Variants in AKAP13 observed in about 807,000 individuals in gnomAD.
AKAP13 encodes the protein A-kinase anchor protein 13.
In AKAP13, 80 loss-of-function variants were observed where a neutral mutation model predicts 264.5. That is an observed-to-expected ratio of 0.30 (90% CI 0.25 to 0.36). The LOEUF is 0.36. AKAP13 is among the 10% of genes least tolerant of loss of function. The pLI, the probability that AKAP13 is intolerant of heterozygous loss-of-function variation, is 1.00. For synonymous variants in AKAP13, 1,380 were observed against 1,250.2 expected (o/e 1.10, Z -2.19); for missense variants, 3,712 against 3,435.2 (o/e 1.08, Z -2.01).
At chr15:85,430,605 T>A (rs184792537) in intron 1 of AKAP13, among the ~76,000 whole-genome samples, 20 of 152,324 alleles carry the variant, frequency 1.3e-4, no homozygotes, top group Admixed American at 7.8e-4. Flanking sequence ...ATTCCTACTC[T>A]TGTGGTTGGA....
At chr15:85,427,636 T>G (rs2072855525) in intron 1 of AKAP13, among the ~76,000 whole-genome samples, 2 of 152,180 alleles carry the variant, frequency 1.3e-5, no homozygotes, top group Non-Finnish European at 2.9e-5. Flanking sequence ...GTTCATTTTA[T>G]TGATGAGGAA....
chr15:85,600,977 C>T (rs1211630918), intron 8 of AKAP13, among the ~76,000 whole-genome samples: 3 of 152,194 alleles, frequency 2.0e-5, no homozygotes, highest in Non-Finnish European at 4.4e-5. Context: ...TAAAGCCTTA[C>T]GTGCCAGATC....
chr15:85,619,920 T>A (rs2081099999), intron 8 of AKAP13: 3 of 1,435,394 alleles, frequency 2.1e-6, no homozygotes, highest in Non-Finnish European at 2.7e-6. Context: ...TGATTTCTTT[T>A]TAATTCATTG....
chr15:85,680,262 TG>T (rs762209553), intron 14 of AKAP13, among the ~76,000 whole-genome samples: 2 of 152,202 alleles, frequency 1.3e-5, no homozygotes, highest in Non-Finnish European at 2.9e-5. Flanking sequence ...GAAGTTTCCT[TG>T]GGCAGAAAAG....
chr15:85,653,515 A>G (rs536617540), intron 10 of AKAP13, among the ~76,000 whole-genome samples: 21 of 152,336 alleles, frequency 1.4e-4, no homozygotes, highest in African/African-American at 4.8e-4. Flanking sequence ...TATGAGATCA[A>G]GCCCAAAAGG....
At chr15:85,461,063 C>G (rs969696080) in intron 1 of AKAP13, among the ~76,000 whole-genome samples, 2 of 151,750 alleles carry the variant, frequency 1.3e-5, no homozygotes, top group African/African-American at 4.8e-5. Context: ...TAGCTAATTT[C>G]TTATTTTTCA....
In AKAP13 at chr15:85,581,745, G is replaced by A. The variant is rs763164679; in HGVS notation, c.3677G>A (p.Ser1226Asn). The A allele has an allele frequency of 1.2e-6, 2 of 1,614,182 alleles. No homozygotes were observed. Among genetic ancestry groups the A allele is most frequent in the Admixed American group, 1.7e-5 (1 of 60,032 alleles). ...GCCCCGCCTTCAGGCAGGGAAAGGA[G>A]CACTCCCTCTCTACCTTGCATGGTC... ...MRAPPSGRER[S>N]TPSLPCMVSA... The change falls in exon 7 of 37, where the codon AGC becomes AAC. Residue 1226 changes from serine (S) to asparagine (N), a missense_variant. By Grantham distance (46) the Ser-to-Asn change is conservative. Coordinates refer to ENST00000394518, the MANE Select transcript of AKAP13 (RefSeq NM_007200.5).
chr15:85,526,707 C>G (rs548563366), intron 3 of AKAP13, among the ~76,000 whole-genome samples: 429 of 152,264 alleles, frequency 2.8e-3, no homozygotes, highest in South Asian at 6.2e-3. Context: ...CACCCCCCAT[C>G]CCCCAGCCTG....
At position 85,581,230 on chromosome 15, in the gene AKAP13, C is replaced by T. The variant is rs116622424; in HGVS notation, c.3162C>T (p.Ser1054=). ...TGTTGCCAGATGGGTCTGATGGGTC[C>T]GATGCTCTTAACTGCAGTCAGCCTT... ...PCLLPDGSDG[S]DALNCSQPSP... Residue 1054 remains serine, a synonymous_variant, in exon 7 of 37, where the codon TCC becomes TCT. Transcript: ENST00000394518. 822 of 1,614,122 alleles carry T rather than the reference C, an allele frequency of 5.1e-4. 1 individual carries two copies. The highest frequency in any genetic ancestry group is 2.0e-3 in the Middle Eastern group (12 of 6,062).
intron 10 of AKAP13, among the ~76,000 whole-genome samples, chr15:85,654,420 CAT>C (rs2083004236): frequency 6.6e-6 from 1 of 152,182 alleles, no homozygotes; most frequent in South Asian, 2.1e-4. Context: ...AAACCTAACA[CAT>C]GATAAATTTT....
At position 85,581,707 on chromosome 15, in the gene AKAP13, G is replaced by T. The variant is rs1461647894; in HGVS notation, c.3639G>T (p.Arg1213Ser). 1.2e-6 allele frequency: 2 copies of T among 1,614,136 alleles called. No homozygotes were observed. Among genetic ancestry groups the T allele is most frequent in the Admixed American group, 3.3e-5 (2 of 60,028 alleles). Residue 1213 changes from arginine (R) to serine (S), a missense_variant, in exon 7 of 37, where the codon AGG (arginine) becomes AGT (serine). Arg to Ser is a moderately radical substitution (Grantham distance 110). Coordinates refer to ENST00000394518, the MANE Select transcript of AKAP13 (RefSeq NM_007200.5). ...AHDDGAPAGV[R>S]EVMRAPPSGR... ...ATGATGGGGCCCCAGCTGGTGTGAG[G>T]GAAGTCATGCGAGCCCCGCCTTCAG... is the stretch of plus-strand genomic sequence containing the variant.
intron 8 of AKAP13, among the ~76,000 whole-genome samples, chr15:85,588,281 T>G (rs1483178018): frequency 1.3e-5 from 2 of 152,228 alleles, no homozygotes; most frequent in East Asian, 3.8e-4. Context: ...CCCGCCCTTA[T>G]TACACATAAT....
chr15:85,399,516 A>AT lies in AKAP13; in HGVS notation c.-12+18718_-12+18719insT, dbSNP rs1567038586. On this transcript the variant is annotated intron_variant, in intron 1 of 36. Coordinates refer to ENST00000394518, the MANE Select transcript of AKAP13 (RefSeq NM_007200.5). ...AGACTCCGTCTCAAAAAAAAAAAAAAAAAAAATAAAAAAATAAAAAAATAA... is the reference window on the plus strand; with the variant it reads ...AGACTCCGTCTCAAAAAAAAAAAAAATAAAAAATAAAAAAATAAAAAAATAA... Among the ~76,000 whole-genome samples, 332 of 135,242 alleles carry AT rather than the reference A, an allele frequency of 2.5e-3. 2 individuals are homozygous for AT. The highest frequency in any genetic ancestry group is 3.7e-3 in the Middle Eastern group (1 of 272). 88.7% of individuals were successfully genotyped at this position (135,242 alleles called of 152,430 possible).
intron 1 of AKAP13, among the ~76,000 whole-genome samples, chr15:85,430,429 A>T (rs2072975939): frequency 6.6e-6 from 1 of 152,198 alleles, no homozygotes; most frequent in African/African-American, 2.4e-5. Context: ...AAATAAGCTG[A>T]CACTTTCTCT....
chr15:85,684,626 G>C lies in AKAP13; in HGVS notation c.5157-115G>C, dbSNP rs373146864. On this transcript the variant is annotated intron_variant, in intron 15 of 36. Coordinates refer to ENST00000394518, the MANE Select transcript of AKAP13 (RefSeq NM_007200.5). Reference sequence around the variant, plus strand: ...GTTTTGATAACAGAACCTGGGCGTTGTGGCATACTCTATAAAAAGCCATTC... The same window carrying C: ...GTTTTGATAACAGAACCTGGGCGTTCTGGCATACTCTATAAAAAGCCATTC... The C allele has an allele frequency of 4.8e-5, 53 of 1,095,504 alleles. 1 individual carries two copies. In the East Asian group the frequency reaches 9.0e-4, roughly 19 times the overall value. 67.9% of individuals were successfully genotyped at this position (1,095,504 alleles called of 1,614,324 possible).
intron 8 of AKAP13, among the ~76,000 whole-genome samples, chr15:85,616,340 C>G (rs776239557): frequency 6.6e-6 from 1 of 152,148 alleles, no homozygotes; most frequent in Non-Finnish European, 1.5e-5. Context: ...TTAAGTAAAT[C>G]AAATGAAAAT....
rs554060371 is a variant in AKAP13 at position 85,477,302 on chromosome 15, C to T, written c.-11-8408C>T. ...GCTCAAGTCTACAAGCAGAGACAGG[C>T]ACATTGGCAGTGAGTCCTCCTTGGG... On this transcript the variant is annotated intron_variant, in intron 1 of 36. Transcript: ENST00000394518. Among the ~76,000 whole-genome samples, 2 of 151,914 alleles carry T rather than the reference C, an allele frequency of 1.3e-5. 1 individual carries two copies. The highest frequency in any genetic ancestry group is 4.2e-4 in the South Asian group (2 of 4,810).
rs1463083035 is a variant in AKAP13, at chr15:85,581,830, T to C, written c.3762T>C (p.Arg1254=). The C allele has an allele frequency of 3.7e-6, 6 of 1,614,066 alleles. No homozygotes were observed. Among genetic ancestry groups the C allele is most frequent in the Non-Finnish European group, 5.1e-6 (6 of 1,180,020 alleles). The change falls in exon 7 of 37, where the codon CGT becomes CGC. Residue 1254 remains arginine (R), a synonymous_variant. Transcript: ENST00000394518. ...GADLIEEAAS[R]IVDAVIEQVK... is the part of the protein sequence containing the mutation. ...ACTTGATAGAGGAGGCTGCCAGCCG[T>C]ATAGTGGATGCTGTCATCGAACAAG...
At chr15:85,559,139 C>T (rs1310119437) in intron 5 of AKAP13, among the ~76,000 whole-genome samples, 5 of 152,034 alleles carry the variant, frequency 3.3e-5, no homozygotes, top group Admixed American at 6.6e-5. Context: ...GTAATGTTCT[C>T]GCTTTGAAAA....
Sources: gnomAD v4.1 joint callset for allele counts (sites outside exome capture counted in the v4.1 genomes callset) on GRCh38, gnomAD v4.1.1 for gene constraint, MANE v1.5 for transcripts, NCBI Gene and HGNC (gene_info 2026-07-23, HGNC 2026-07-21) for gene names.